GYS2: variants seen among roughly 807,000 people sequenced by gnomAD.
GYS2 encodes glycogen [starch] synthase, liver.
GYS2 carries 80 observed loss-of-function variants against 85.6 expected under a neutral mutation model. That is an observed-to-expected ratio of 0.93 (90% confidence interval 0.78 to 1.13). GYS2 has a LOEUF of 1.13. GYS2 is among the 50% of genes most tolerant of loss of function. The probability of loss-of-function intolerance (pLI) is 0.00; values close to 1 mark genes in which losing one functional copy is unlikely to be tolerated. For missense variants in GYS2, 881 were observed against 854.9 expected, an observed-to-expected ratio of 1.03 and a Z score of -0.38; for synonymous variants, 328 against 300.7, an observed-to-expected ratio of 1.09 and a Z score of -0.94.
rs541814311 is a variant in GYS2, at chr12:21,570,381, A to G, written c.679-1372T>C. On this transcript the variant is annotated intron_variant, in intron 4 of 15. Coordinates refer to ENST00000261195, the MANE Select transcript of GYS2 (RefSeq NM_021957.4). The stretch of plus-strand genomic sequence containing the variant: ...AAAAACAGGTAGAAATGAAATGAGT[A>G]TGTGTCTGAATAAGTTATAGGATCA... Among the ~76,000 whole-genome samples the G allele has an allele frequency of 3.0e-4, 45 of 152,370 alleles. 2 individuals carry two copies. In the South Asian group the frequency reaches 8.9e-3, roughly 30 times the overall value.
At chr12:21,589,601 A>C (rs566697141) in intron 1 of GYS2, among the ~76,000 whole-genome samples, 56 of 152,270 alleles carry the variant, frequency 3.7e-4, no homozygotes, top group African/African-American at 1.3e-3. Context: ...GAGGGAAGCA[A>C]GGAAGCCTAC....
chr12:21,544,898 ATGT>A (rs959975542), intron 12 of GYS2, among the ~76,000 whole-genome samples: 13 of 151,992 alleles, frequency 8.6e-5, no homozygotes, highest in Non-Finnish European at 1.6e-4. Context: ...CCCAGCCCTC[ATGT>A]TGTTCCTGCT....
intron 4 of GYS2, among the ~76,000 whole-genome samples, chr12:21,572,144 T>G (rs1177695521): frequency 6.6e-6 from 1 of 152,214 alleles, no homozygotes; most frequent in Non-Finnish European, 1.5e-5. Flanking sequence ...AGAAATTTCA[T>G]ACGCTGGCTG....
rs7953883 is a variant in GYS2, at chr12:21,557,997, T to G, written c.1422+203A>C. On this transcript the variant is annotated intron_variant, in intron 11 of 15. Coordinates refer to ENST00000261195, the MANE Select transcript of GYS2 (RefSeq NM_021957.4). ...AAATGCTAGAATTGTAGCTCAAAGC[T>G]ATGAATATGCTTCAATTTTCAAGAA... Among the ~76,000 whole-genome samples, 110,026 of 151,958 alleles carry G rather than the reference T, an allele frequency of 0.72. 40,377 individuals are homozygous for G. Among genetic ancestry groups the G allele is most frequent in the South Asian group, 0.8 (3,839 of 4,828 alleles).
At chr12:21,558,364 G>T (rs755549010) in intron 10 of GYS2, 51 bp from the exon 11 acceptor site, 9 of 1,159,002 alleles carry the variant, frequency 7.8e-6, no homozygotes, top group African/African-American at 1.5e-5. Context: ...ATTAATAAGG[G>T]TGACTAATTT....
intron 7 of GYS2, 66 bp from the exon 8 acceptor site, chr12:21,560,558 C>G: frequency 1.2e-6 from 1 of 810,688 alleles, no homozygotes; most frequent in East Asian, 2.4e-5. Flanking sequence ...ATAGATGGAA[C>G]TTAAACATTG....
intron 3 of GYS2, 79 bp from the exon 4 acceptor site, chr12:21,574,405 G>C: frequency 9.5e-7 from 1 of 1,049,784 alleles, no homozygotes. Context: ...CATAAGTGGA[G>C]TTATGGTGTC....
intron 1 of GYS2, among the ~76,000 whole-genome samples, chr12:21,582,592 GAGATAGATATAGATAT>G (rs1052285169): frequency 7.8e-6 from 1 of 128,452 alleles, no homozygotes; most frequent in Non-Finnish European, 1.6e-5. Context: ...GATAGATATA[GAGATAGATATAGATAT>G]AGATATAGAT....
intron 11 of GYS2, among the ~76,000 whole-genome samples, chr12:21,546,982 G>A (rs6487236): frequency 0.69 from 104,960 of 151,954 alleles, 37,844 homozygotes; most frequent in South Asian, 0.8. Flanking sequence ...AGAGGACTTC[G>A]TGCAAACCTC....
intron 11 of GYS2, among the ~76,000 whole-genome samples, chr12:21,554,725 T>C (rs75871049): frequency 0.021 from 3,181 of 152,270 alleles, 64 homozygotes; most frequent in Non-Finnish European, 0.03. Context: ...CCCAGAAGAA[T>C]TGTTAGAATA....
intron 11 of GYS2, among the ~76,000 whole-genome samples, chr12:21,553,645 C>A (rs1429781549): frequency 6.6e-6 from 1 of 152,118 alleles, no homozygotes; most frequent in African/African-American, 2.4e-5. Flanking sequence ...TATCTGTCTG[C>A]CAATCTGAAA....
At chr12:21,564,548 T>C (rs964188981) in intron 5 of GYS2, among the ~76,000 whole-genome samples, 4 of 152,230 alleles carry the variant, frequency 2.6e-5, no homozygotes. Context: ...TACTGATTTT[T>C]ATGAGTTTTT....
chr12:21,602,348 C>T (rs1016665704), intron 1 of GYS2, among the ~76,000 whole-genome samples: 7 of 152,006 alleles, frequency 4.6e-5, no homozygotes, highest in East Asian at 1.9e-4. Context: ...AATACCTCTA[C>T]GAATCAATTT....
chr12:21,562,813 G>A (rs941319135), intron 7 of GYS2, 105 bp downstream of exon 7: 54 of 1,220,220 alleles, frequency 4.4e-5, no homozygotes, highest in African/African-American at 3.9e-4. Context: ...TACGATTATC[G>A]TTTATTCTCT....
intron 13 of GYS2, among the ~76,000 whole-genome samples, chr12:21,541,110 A>T (rs1943967879): frequency 6.6e-6 from 1 of 151,704 alleles, no homozygotes; most frequent in Non-Finnish European, 1.5e-5. Flanking sequence ...CCATCTCTAC[A>T]TACAAAATTT....
chr12:21,536,679 T>C lies in GYS2; in HGVS notation c.*275A>G. ...AAGAGAAAATCCTTACCACTTAAAT[T>C]CACCATTTTAAAAACACTTTTCCGT... On this transcript the variant is annotated 3_prime_UTR_variant, in exon 16 of 16. Transcript: ENST00000261195. 5 of 457,204 alleles carry C rather than the reference T, an allele frequency of 1.1e-5. 1 individual carries two copies. In the South Asian group the frequency reaches 1.1e-4, roughly 10 times the overall value. 28.3% of individuals were successfully genotyped at this position (457,204 alleles called of 1,614,324 possible).
In GYS2 at chr12:21,560,445, G is replaced by A. The variant is rs1944238823; in HGVS notation, c.1110C>T (p.Ala370=). 1 of 1,609,090 alleles carries A rather than the reference G, an allele frequency of 6.2e-7. No homozygotes were observed. The change falls in exon 8 of 16, where the codon GCC becomes GCT. Residue 370 remains alanine (A), a synonymous_variant. Transcript: ENST00000261195. ...TTTCCACGTTGAAATTATTTGTCTTGGCAGGCATAATGAAAAACACCATCA... is the reference window on the plus strand; with the variant it reads ...TTTCCACGTTGAAATTATTTGTCTTAGCAGGCATAATGAAAAACACCATCA... The part of the protein sequence containing the change: ...ITVMVFFIMP[A]KTNNFNVETL...
intron 5 of GYS2, among the ~76,000 whole-genome samples, chr12:21,566,661 G>A (rs1203481273): frequency 1.3e-5 from 2 of 152,106 alleles, no homozygotes; most frequent in African/African-American, 4.8e-5. Flanking sequence ...ACTGAGCTGA[G>A]TTTTTTCCAT....
intron 1 of GYS2, among the ~76,000 whole-genome samples, chr12:21,598,952 T>A (rs918514884): frequency 4.6e-5 from 7 of 152,010 alleles, no homozygotes; most frequent in Non-Finnish European, 8.8e-5. Context: ...AACAATGAGG[T>A]GGTTAAAACT....
Sources: gnomAD v4.1 joint callset for allele counts (sites outside exome capture counted in the v4.1 genomes callset) on GRCh38, gnomAD v4.1.1 for gene constraint, MANE v1.5 for transcripts, NCBI Gene and HGNC (gene_info 2026-07-23, HGNC 2026-07-21) for gene names.